The following ELAPOR2 variants were observed in gnomAD, a reference collection of about 807,000 sequenced individuals.
The protein encoded by ELAPOR2 is endosome/lysosome-associated apoptosis and autophagy regulator family member 2.
ELAPOR2 carries 89 observed loss-of-function variants against 120.7 expected under a neutral mutation model. The ratio of observed to expected loss-of-function variants is 0.74; its 90% CI spans 0.62 to 0.88. ELAPOR2 has a LOEUF of 0.88. ELAPOR2 is among the 40% of genes least tolerant of loss of function. ELAPOR2 has a pLI of 0.00. For missense variants in ELAPOR2, 1,134 were observed against 1,251.6 expected (o/e 0.91, Z 1.42); for synonymous variants, 444 against 444.9 (o/e 1.00, Z 0.03).
In ELAPOR2 at chr7:86,924,374, TACAC is replaced by T. The variant is rs3057442; in HGVS notation, c.1399+1150_1399+1153del. Among the ~76,000 whole-genome samples the T allele has an allele frequency of 1.7e-3, 252 of 145,316 alleles. 3 individuals are homozygous for T. The highest frequency in any genetic ancestry group is 9.9e-3 in the South Asian group (44 of 4,440). On this transcript the variant is annotated intron_variant, in intron 10 of 21. Coordinates refer to ENST00000450689, the MANE Select transcript of ELAPOR2 (RefSeq NM_001142749.3). ...CAGGTAATCTTTACTAGTAAGTGAA[TACAC>T]ACACACACACACACACACACACACA...
rs200621227 is a variant in ELAPOR2 at position 86,908,536 on chromosome 7, T to G, written c.2367A>C (p.Thr789=). The G allele has an allele frequency of 5.3e-6, 8 of 1,503,794 alleles. No homozygotes were observed. In the East Asian group the frequency reaches 1.4e-4, roughly 26 times the overall value. The allele number at this position is 1,503,794 out of a possible 1,614,324, so 93.2% of individuals were successfully genotyped here. The change falls in exon 17 of 22, where the codon ACA becomes ACC. Residue 789 remains threonine (T), a synonymous_variant. Coordinates refer to ENST00000450689, the MANE Select transcript of ELAPOR2 (RefSeq NM_001142749.3). ...TAATATTTTTCAATGTGGTTTCAACTGTGACTCCTAGATGACATTTAAAAA... is the reference window on the plus strand; with the variant it reads ...TAATATTTTTCAATGTGGTTTCAACGGTGACTCCTAGATGACATTTAAAAA... ...IILADTFIGV[T]VETTLKNINI... is the part of the protein sequence containing the mutation.
intron 6 of ELAPOR2, 66 bp from the exon 7 acceptor site, chr7:86,939,026 C>A (rs1790689901): frequency 6.4e-7 from 1 of 1,566,414 alleles, no homozygotes; most frequent in Admixed American, 1.7e-5. Context: ...TCAGCACCTA[C>A]TTCTGCTTCT....
At position 86,880,380 on chromosome 7, in the gene ELAPOR2, G is replaced by T; in HGVS notation, c.*91C>A. The T allele has an allele frequency of 1.1e-6, 1 of 900,990 alleles. No individual in the cohort carries two copies. The highest frequency in any genetic ancestry group is 1.8e-6 in the Non-Finnish European group (1 of 549,620). 55.8% of individuals were successfully genotyped at this position (900,990 alleles called of 1,614,324 possible). On this transcript the variant is annotated 3_prime_UTR_variant, in exon 22 of 22. Transcript: ENST00000450689. ...CCCTCCTCTGTGAGATCACCAATGT[G>T]ACAGGTATGAGGACAGACCCTAAAA... is the stretch of plus-strand genomic sequence containing the variant.
At chr7:87,029,708 G>C (rs1034883784) in intron 1 of ELAPOR2, among the ~76,000 whole-genome samples, 5 of 151,990 alleles carry the variant, frequency 3.3e-5, no homozygotes, top group Admixed American at 1.3e-4. Context: ...TTATTCAAAT[G>C]GTTTATAATA....
chr7:87,021,932 C>T (rs762338509), intron 1 of ELAPOR2, among the ~76,000 whole-genome samples: 12 of 152,054 alleles, frequency 7.9e-5, no homozygotes, highest in Non-Finnish European at 1.8e-4. Flanking sequence ...TGAGCTTTTG[C>T]CAGCTCAGAG....
rs958166872 is a variant in ELAPOR2, at chr7:87,059,464, G to A, written c.50C>T (p.Pro17Leu). Residue 17 changes from proline to leucine, a missense_variant, in exon 1 of 22, where the codon CCG (proline) becomes CTG (leucine). Coordinates refer to ENST00000450689, the MANE Select transcript of ELAPOR2 (RefSeq NM_001142749.3). ...GPVRGRGWGR[P>L]AEAPRRGRSP... Reference sequence around the variant, plus strand: ...GCGCCCGCGGCGGGGAGCCTCCGCCGGCCGCCCCCAGCCCCTGCCCCGTAC... The same window carrying A: ...GCGCCCGCGGCGGGGAGCCTCCGCCAGCCGCCCCCAGCCCCTGCCCCGTAC... 9.8e-6 allele frequency: 12 copies of A among 1,220,316 alleles called. No homozygotes were observed. Among genetic ancestry groups the A allele is most frequent in the Admixed American group, 4.3e-5 (1 of 23,128 alleles). 75.6% of individuals were successfully genotyped at this position (1,220,316 alleles called of 1,614,324 possible). A position where few individuals can be genotyped will look rare whatever the true frequency, so the allele number is the denominator to read the frequency against.
rs1799327242 is a variant in ELAPOR2, at chr7:86,880,124, ACAT to A, written c.*344_*346del. ...CTTCCAAATCACACTTGTTATGTAG[ACAT>A]CATAAAGAATAAAAGTTACCCATTA... On this transcript the variant is annotated 3_prime_UTR_variant, in exon 22 of 22. Coordinates refer to ENST00000450689, the MANE Select transcript of ELAPOR2 (RefSeq NM_001142749.3). 1 of 221,074 alleles carries A rather than the reference ACAT, an allele frequency of 4.5e-6. No homozygotes were observed. The highest frequency in any genetic ancestry group is 2.3e-5 in the African/African-American group (1 of 43,542). The allele number at this position is 221,074 out of a possible 1,614,324, so 13.7% of individuals were successfully genotyped here.
intron 1 of ELAPOR2, among the ~76,000 whole-genome samples, chr7:86,998,139 G>A (rs1793186690): frequency 6.6e-6 from 1 of 152,092 alleles, no homozygotes; most frequent in Admixed American, 6.6e-5. Flanking sequence ...TAAAAGAAAT[G>A]TAAGTATAAA....
intron 1 of ELAPOR2, among the ~76,000 whole-genome samples, chr7:86,982,674 T>C (rs180670984): frequency 2.4e-3 from 358 of 152,146 alleles, no homozygotes; most frequent in Non-Finnish European, 3.1e-3. Context: ...CAAAACCCCA[T>C]CTGTAGGTCA....
chr7:86,977,182 C>T (rs764815854), intron 1 of ELAPOR2, among the ~76,000 whole-genome samples: 1 of 152,124 alleles, frequency 6.6e-6, no homozygotes, highest in East Asian at 1.9e-4. Flanking sequence ...TTAGTGCTGT[C>T]GACCACCTTG....
chr7:87,000,052 C>T (rs2116627563), intron 1 of ELAPOR2, among the ~76,000 whole-genome samples: 1 of 152,228 alleles, frequency 6.6e-6, no homozygotes, highest in African/African-American at 2.4e-5. Flanking sequence ...CTGTCCATAA[C>T]CAAAGCAAAA....
intron 21 of ELAPOR2, among the ~76,000 whole-genome samples, chr7:86,885,145 G>A (rs1023903642): frequency 2.6e-5 from 4 of 152,092 alleles, no homozygotes; most frequent in African/African-American, 9.7e-5. Flanking sequence ...TTAAAACCAG[G>A]AATTACATTA....
chr7:86,985,787 A>T (rs1384810440), intron 1 of ELAPOR2, among the ~76,000 whole-genome samples: 4 of 152,008 alleles, frequency 2.6e-5, no homozygotes, highest in Admixed American at 1.3e-4. Flanking sequence ...ATTCAACATT[A>T]GGTATATCTC....
At chr7:87,032,975 C>T (rs1215523910) in intron 1 of ELAPOR2, among the ~76,000 whole-genome samples, 4 of 151,976 alleles carry the variant, frequency 2.6e-5, no homozygotes, top group Admixed American at 6.6e-5. Context: ...AGGATCTCTA[C>T]CTTGAAAAAA....
chr7:86,957,834 C>A (rs73384105), intron 2 of ELAPOR2, among the ~76,000 whole-genome samples: 16,774 of 152,066 alleles, frequency 0.11, 954 homozygotes, highest in Middle Eastern at 0.14. Flanking sequence ...CCACTGCACT[C>A]CAGCCTGGGC....
rs1209194017 is a variant in ELAPOR2, at chr7:86,877,833, A to G, written c.*2638T>C. On this transcript the variant is annotated 3_prime_UTR_variant, in exon 22 of 22. Coordinates refer to ENST00000450689, the MANE Select transcript of ELAPOR2 (RefSeq NM_001142749.3). ...CACAAAAATACTATGAAATATTTTT[A>G]ATCCTAGAAAGGATGTGATTACTAG... 1.3e-5 allele frequency: 2 copies of G among 152,240 alleles called. No homozygotes were observed. Among genetic ancestry groups the G allele is most frequent in the Non-Finnish European group, 2.9e-5 (2 of 68,040 alleles). The allele number at this position is 152,240 out of a possible 1,614,324, so 9.4% of individuals were successfully genotyped here.
intron 2 of ELAPOR2, among the ~76,000 whole-genome samples, chr7:86,963,060 A>G (rs1489936173): frequency 1.3e-5 from 2 of 152,240 alleles, no homozygotes; most frequent in Non-Finnish European, 2.9e-5. Context: ...AATACTTGGA[A>G]ATTCAGACTT....
intron 1 of ELAPOR2, among the ~76,000 whole-genome samples, chr7:87,039,624 T>C (rs1007141562): frequency 6.6e-6 from 1 of 152,178 alleles, no homozygotes; most frequent in East Asian, 1.9e-4. Flanking sequence ...ATCAATGTGA[T>C]ACATTGGATC....
intron 1 of ELAPOR2, among the ~76,000 whole-genome samples, chr7:87,046,073 A>G (rs987019094): frequency 6.6e-6 from 1 of 152,136 alleles, no homozygotes; most frequent in African/African-American, 2.4e-5. Flanking sequence ...CCACCAAAAA[A>G]CTATTAGGAC....
Sources: allele counts gnomAD v4.1 joint callset (sites outside exome capture counted in the v4.1 genomes callset), GRCh38; gene constraint gnomAD v4.1.1; transcripts MANE v1.5; gene names NCBI Gene and HGNC (gene_info 2026-07-23, HGNC 2026-07-21).